The following MAML3 variants were observed in gnomAD, a reference collection of about 807,000 sequenced individuals.
MAML3 encodes mastermind-like protein 3.
In MAML3, 27 loss-of-function variants were observed where a neutral mutation model predicts 101.9. The ratio of observed to expected loss-of-function variants is 0.27; its 90% CI spans 0.20 to 0.37. The LOEUF is 0.37. MAML3 is among the 10% of genes least tolerant of loss of function. MAML3 has a pLI of 1.00. For missense variants in MAML3, 1,316 were observed against 1,444.9 expected (o/e 0.91, Z 1.45); for synonymous variants, 501 against 555.9 (o/e 0.90, Z 1.39).
chr4:139,830,410 A>ATTTTTTTTTTTTTTT (rs1157293904), intron 2 of MAML3, among the ~76,000 whole-genome samples: 1 of 121,292 alleles, frequency 8.2e-6, no homozygotes, highest in East Asian at 2.2e-4. Context: ...ACGCTGTGCT[A>ATTTTTTTTTTTTTTT]TTTTTTTTTT....
chr4:139,923,366 A>G (rs1187614573), intron 1 of MAML3, among the ~76,000 whole-genome samples: 1 of 152,216 alleles, frequency 6.6e-6, no homozygotes, highest in Non-Finnish European at 1.5e-5. Flanking sequence ...TTCAATGCCC[A>G]TAACTGTTGA....
At chr4:140,093,650 G>A (rs543175601) in intron 1 of MAML3, among the ~76,000 whole-genome samples, 3 of 151,668 alleles carry the variant, frequency 2.0e-5, no homozygotes, top group African/African-American at 7.3e-5. Flanking sequence ...GGATGGTCTC[G>A]ATCTCCTGAT....
intron 1 of MAML3, among the ~76,000 whole-genome samples, chr4:139,938,002 T>G (rs1578607234): frequency 6.6e-6 from 1 of 152,206 alleles, no homozygotes; most frequent in South Asian, 2.1e-4. Context: ...TTAGTGGCTG[T>G]CTGCAAGGTA....
rs183878797 is a variant in MAML3 at position 139,925,594 on chromosome 4, G to A, written c.469-34627C>T. Among the ~76,000 whole-genome samples, 413 of 152,238 alleles carry A rather than the reference G, an allele frequency of 2.7e-3. 2 individuals are homozygous for A. Among genetic ancestry groups the A allele is most frequent in the Non-Finnish European group, 2.4e-3 (165 of 68,008 alleles). ...AAACAAGGTGTTGTCCAAAAACTGA[G>A]AGTATAAAAATAAGGATGAGAGAAT... On this transcript the variant is annotated intron_variant, in intron 1 of 4. Coordinates refer to ENST00000509479, the MANE Select transcript of MAML3 (RefSeq NM_018717.5).
In MAML3 at chr4:140,153,482, C is replaced by CGGG. The variant is rs147047175; in HGVS notation, c.-158_-156dup. The CGGG allele has an allele frequency of 3.4e-5, 24 of 714,108 alleles. No homozygotes were observed. In the Admixed American group the frequency reaches 1.0e-3, roughly 30 times the overall value. The allele number at this position is 714,108 out of a possible 1,614,324, so 44.2% of individuals were successfully genotyped here. ...GGCGATCCCGACGGGGCGAAAAAAA[C>CGGG]GGGGGGGGAGATTTTGGGGTGGTTT... On this transcript the variant is annotated 5_prime_UTR_variant, in exon 1 of 5. Transcript: ENST00000509479.
intron 1 of MAML3, among the ~76,000 whole-genome samples, chr4:140,089,589 T>C (rs1268440478): frequency 6.6e-6 from 1 of 152,228 alleles, no homozygotes; most frequent in African/African-American, 2.4e-5. Context: ...TTTACTGATA[T>C]ATATAACAGC....
intron 1 of MAML3, among the ~76,000 whole-genome samples, chr4:140,130,442 G>A (rs894588990): frequency 6.6e-6 from 1 of 152,210 alleles, no homozygotes; most frequent in Non-Finnish European, 1.5e-5. Context: ...GGAAGAAATT[G>A]AGAGTCTAAA....
chr4:139,885,844 A>T (rs1352885683), intron 2 of MAML3, among the ~76,000 whole-genome samples: 4 of 146,364 alleles, frequency 2.7e-5, no homozygotes, highest in Non-Finnish European at 4.5e-5. Context: ...GAGGCAGGAG[A>T]ATGGCGTGAA....
At chr4:139,808,046 C>T (rs922335572) in intron 2 of MAML3, among the ~76,000 whole-genome samples, 2 of 152,218 alleles carry the variant, frequency 1.3e-5, no homozygotes, top group Non-Finnish European at 2.9e-5. Context: ...TCCTTCCCTT[C>T]ACTTTCTCTT....
intron 1 of MAML3, among the ~76,000 whole-genome samples, chr4:139,989,823 A>T (rs1578631577): frequency 6.7e-6 from 1 of 148,556 alleles, no homozygotes; most frequent in South Asian, 2.1e-4. Context: ...ACCACTGCTG[A>T]CCCCTGCACC....
At chr4:139,883,887 G>A (rs765697763) in intron 2 of MAML3, among the ~76,000 whole-genome samples, 1 of 111,804 alleles carries the variant, frequency 8.9e-6, no homozygotes, top group East Asian at 2.8e-4. Flanking sequence ...ATAATTGCTT[G>A]TCTTTTTTTT....
intron 1 of MAML3, among the ~76,000 whole-genome samples, chr4:139,988,451 C>A (rs927589517): frequency 6.6e-6 from 1 of 152,010 alleles, no homozygotes; most frequent in South Asian, 2.1e-4. Context: ...AAGAGTTGTC[C>A]CACACTTAAT....
chr4:140,060,793 T>A (rs1727435005), intron 1 of MAML3, among the ~76,000 whole-genome samples: 2 of 152,194 alleles, frequency 1.3e-5, no homozygotes, highest in African/African-American at 4.8e-5. Flanking sequence ...GTTATTCATA[T>A]AAAAGTAAAA....
At chr4:139,865,381 G>A (rs1039645041) in intron 2 of MAML3, among the ~76,000 whole-genome samples, 1 of 152,026 alleles carries the variant, frequency 6.6e-6, no homozygotes, top group Non-Finnish European at 1.5e-5. Flanking sequence ...GTGACCTTGG[G>A]GAGAAATCAT....
intron 2 of MAML3, among the ~76,000 whole-genome samples, chr4:139,819,039 G>A (rs1048816054): frequency 3.3e-5 from 5 of 152,140 alleles, no homozygotes; most frequent in South Asian, 2.1e-4. Flanking sequence ...ATAATGATCC[G>A]ATAGGGGAGA....
chr4:140,147,916 A>ATGTGTG (rs5862457), intron 1 of MAML3, among the ~76,000 whole-genome samples: 2,662 of 150,984 alleles, frequency 0.018, 50 homozygotes, highest in African/African-American at 0.048. Context: ...GAATGAGTGA[A>ATGTGTG]TGTGTGTGTG....
At chr4:139,918,952 A>C (rs1183414602) in intron 1 of MAML3, among the ~76,000 whole-genome samples, 3 of 152,182 alleles carry the variant, frequency 2.0e-5, no homozygotes, top group Non-Finnish European at 4.4e-5. Context: ...TGTAATTTAA[A>C]GCCAAATATT....
chr4:139,959,271 T>C (rs1343341665), intron 1 of MAML3, among the ~76,000 whole-genome samples: 1 of 152,216 alleles, frequency 6.6e-6, no homozygotes, highest in Non-Finnish European at 1.5e-5. Context: ...AAAAACCAGG[T>C]AGCCCATAGA....
Position 139,890,681 on chromosome 4 carries a change from A to C in MAML3, c.755T>G (p.Ile252Ser). ...ACTGCAACCGTTGACAGGAAGTTTA[A>C]TCTCAGGGAGCCTACCATTCTTACT... Reference protein sequence around the residue: ...DLSKNGRLPEIKLPVNGCSDL... With the variant: ...DLSKNGRLPESKLPVNGCSDL... Residue 252 changes from isoleucine (I) to serine (S), a missense_variant, in exon 2 of 5, where the codon ATT becomes AGT. Transcript: ENST00000509479. The surrounding 1 kb of genome is among the most constrained non-coding windows in gnomAD (Gnocchi z 4.1). 1 of 1,613,964 alleles carries C rather than the reference A, an allele frequency of 6.2e-7. No homozygotes were observed. Among genetic ancestry groups the C allele is most frequent in the Non-Finnish European group, 8.5e-7 (1 of 1,179,872 alleles).
Sources: allele counts gnomAD v4.1 joint callset (sites outside exome capture counted in the v4.1 genomes callset), GRCh38; gene constraint gnomAD v4.1.1; non-coding constraint Gnocchi (gnomAD v3.1); transcripts MANE v1.5; gene names NCBI Gene and HGNC (gene_info 2026-07-23, HGNC 2026-07-21).